Variants in CADPS2 observed in about 807,000 individuals in gnomAD.
CADPS2 encodes the protein calcium-dependent secretion activator 2.
A neutral mutation model predicts 172.5 loss-of-function variants in CADPS2; 93 were observed. The ratio of observed to expected loss-of-function variants is 0.54; its 90% CI spans 0.46 to 0.64. The LOEUF (loss-of-function observed/expected upper bound fraction) is 0.64, where lower values mean the gene tolerates loss of function less well. Ranked by LOEUF, CADPS2 falls within the 30% of genes least tolerant of loss-of-function variation. CADPS2 has a pLI of 0.00. For missense variants in CADPS2, 1,420 were observed against 1,565.9 expected (o/e 0.91, Z 1.57); for synonymous variants, 546 against 555.2 (o/e 0.98, Z 0.23).
chr7:122,502,486 T>G (rs2059282761), intron 9 of CADPS2, among the ~76,000 whole-genome samples: 1 of 152,004 alleles, frequency 6.6e-6, no homozygotes, highest in Non-Finnish European at 1.5e-5. Context: ...TTAAAAGTTT[T>G]AAAGACATAA....
At chr7:122,331,250 T>C (rs2034896806) in intron 28 of CADPS2, 1 of 152,168 alleles carries the variant, frequency 6.6e-6, no homozygotes, top group Admixed American at 6.5e-5. Context: ...TATAAAGAAC[T>C]GTGAATTACA....
intron 10 of CADPS2, among the ~76,000 whole-genome samples, 173 bp downstream of exon 10, chr7:122,491,139 T>G (rs1191197329): frequency 6.6e-6 from 1 of 152,128 alleles, no homozygotes; most frequent in Non-Finnish European, 1.5e-5. Flanking sequence ...TGGCTAAAAA[T>G]ACAAGCCCTC....
At chr7:122,505,061 AATT>A (rs929060179) in intron 9 of CADPS2, among the ~76,000 whole-genome samples, 6 of 152,200 alleles carry the variant, frequency 3.9e-5, no homozygotes, top group African/African-American at 1.4e-4. Flanking sequence ...GTCTTTTAAA[AATT>A]ATTGCTTTCT....
At chr7:122,693,658 A>C (rs1393201772) in intron 2 of CADPS2, among the ~76,000 whole-genome samples, 1 of 152,180 alleles carries the variant, frequency 6.6e-6, no homozygotes, top group African/African-American at 2.4e-5. Flanking sequence ...TATGGGGACT[A>C]TAAAAGGGAG....
chr7:122,334,201 T>TCC (rs1563088338), intron 28 of CADPS2, among the ~76,000 whole-genome samples: 2 of 151,338 alleles, frequency 1.3e-5, no homozygotes, highest in African/African-American at 4.8e-5. Flanking sequence ...TATATGAGAA[T>TCC]ACACACACAC....
At chr7:122,484,215 AC>A (rs768098345) in intron 11 of CADPS2, among the ~76,000 whole-genome samples, 5 of 152,212 alleles carry the variant, frequency 3.3e-5, no homozygotes, top group Non-Finnish European at 5.9e-5. Flanking sequence ...TAGCCAAAAT[AC>A]TTTTGAATAA....
intron 1 of CADPS2, among the ~76,000 whole-genome samples, chr7:122,853,759 T>C (rs957639413): frequency 2.6e-5 from 4 of 152,112 alleles, no homozygotes; most frequent in Admixed American, 2.6e-4. Context: ...CCAGGGGAAT[T>C]AGGCTGGAGG....
chr7:122,676,025 C>T (rs1234088547), intron 2 of CADPS2, among the ~76,000 whole-genome samples: 3 of 151,996 alleles, frequency 2.0e-5, no homozygotes. Flanking sequence ...ACCTCTTGAA[C>T]CTCAAAATAA....
At chr7:122,450,873 T>A (rs919397312) in intron 15 of CADPS2, among the ~76,000 whole-genome samples, 1 of 152,138 alleles carries the variant, frequency 6.6e-6, no homozygotes, top group Non-Finnish European at 1.5e-5. Context: ...TGCTAGGTGC[T>A]GTGACCTGTG....
intron 17 of CADPS2, among the ~76,000 whole-genome samples, chr7:122,431,909 A>G (rs980058109): frequency 8.9e-6 from 1 of 112,088 alleles, no homozygotes; most frequent in African/African-American, 3.5e-5. Flanking sequence ...TGACGAAGCA[A>G]GACTTCATCG....
intron 3 of CADPS2, among the ~76,000 whole-genome samples, chr7:122,644,479 T>C (rs946544786): frequency 6.6e-6 from 1 of 152,180 alleles, no homozygotes. Flanking sequence ...TTCAGGTATT[T>C]ATGAGCTTTA....
intron 1 of CADPS2, among the ~76,000 whole-genome samples, chr7:122,757,916 A>G (rs1411170623): frequency 1.3e-5 from 2 of 151,988 alleles, no homozygotes; most frequent in Admixed American, 1.3e-4. Flanking sequence ...ACAGGGAAAA[A>G]AAAACTAACA....
chr7:122,612,415 TAAAATTAAG>T (rs1296806917), intron 6 of CADPS2, among the ~76,000 whole-genome samples: 4 of 151,670 alleles, frequency 2.6e-5, no homozygotes, highest in African/African-American at 9.7e-5. Flanking sequence ...GATTTAAAGA[TAAAATTAAG>T]AAAACAATTC....
At chr7:122,647,820 G>A (rs1453615335) in intron 3 of CADPS2, among the ~76,000 whole-genome samples, 2 of 152,122 alleles carry the variant, frequency 1.3e-5, no homozygotes, top group Non-Finnish European at 2.9e-5. Flanking sequence ...AAAGTCTAAT[G>A]CTATGAGCCT....
chr7:122,691,215 C>A (rs760396113), intron 2 of CADPS2, among the ~76,000 whole-genome samples: 4 of 152,194 alleles, frequency 2.6e-5, no homozygotes, highest in Non-Finnish European at 5.9e-5. Context: ...TTCTGCCACA[C>A]TCTTATGAGC....
At chr7:122,440,848 AG>A (rs2051255381) in intron 16 of CADPS2, among the ~76,000 whole-genome samples, 2 of 152,200 alleles carry the variant, frequency 1.3e-5, no homozygotes, top group Admixed American at 1.3e-4. Context: ...GCATCTAACA[AG>A]TATATGAATA....
chr7:122,498,243 C>A (rs1204498195), intron 9 of CADPS2, among the ~76,000 whole-genome samples: 1 of 152,168 alleles, frequency 6.6e-6, no homozygotes, highest in Non-Finnish European at 1.5e-5. Flanking sequence ...CCACCATACT[C>A]AGCCTATTTG....
chr7:122,676,874 C>T, intron 2 of CADPS2: 1 of 494,228 alleles, frequency 2.0e-6, no homozygotes, highest in Non-Finnish European at 3.6e-6. Context: ...TGCCCAAAGC[C>T]AGTCAATGGA....
At chr7:122,813,819 A>G (rs547444221) in intron 1 of CADPS2, among the ~76,000 whole-genome samples, 4 of 152,230 alleles carry the variant, frequency 2.6e-5, no homozygotes, top group South Asian at 4.1e-4. Context: ...TTTAAACCAT[A>G]TATGTACTAA....
Sources: gnomAD v4.1 joint callset for allele counts (sites outside exome capture counted in the v4.1 genomes callset) on GRCh38, gnomAD v4.1.1 for gene constraint, MANE v1.5 for transcripts, NCBI Gene and HGNC (gene_info 2026-07-23, HGNC 2026-07-21) for gene names.